CCDC102B: variants seen among roughly 807,000 people sequenced by gnomAD.
The protein encoded by CCDC102B is coiled-coil domain-containing protein 102B.
CCDC102B carries 75 observed loss-of-function variants against 57.4 expected under a neutral mutation model. That is an observed-to-expected ratio of 1.31 (90% CI 1.08 to 1.58). The LOEUF is 1.58. CCDC102B is among the 40% of genes most tolerant of loss of function. The pLI is 0.00. For synonymous variants in CCDC102B, 206 were observed against 201.9 expected (o/e 1.02, Z -0.17); for missense variants, 636 against 582.6 (o/e 1.09, Z -0.94).
At chr18:68,871,186 A>G (rs2039225962) in intron 4 of CCDC102B, among the ~76,000 whole-genome samples, 1 of 152,188 alleles carries the variant, frequency 6.6e-6, no homozygotes, top group South Asian at 2.1e-4. Context: ...AAACACAGGA[A>G]AAAAAGAAGG....
chr18:68,748,213 TG>T (rs1568230302), intron 2 of CCDC102B, among the ~76,000 whole-genome samples: 27 of 46,924 alleles, frequency 5.8e-4, no homozygotes, highest in East Asian at 4.9e-3. Flanking sequence ...CTGGTGTGTG[TG>T]TGTGTGTGTG....
chr18:68,901,781 G>A (rs1036092119), intron 6 of CCDC102B, among the ~76,000 whole-genome samples: 6 of 151,968 alleles, frequency 3.9e-5, no homozygotes, highest in African/African-American at 1.5e-4. Flanking sequence ...CTCATGGGGG[G>A]ATGTGGCCAC....
At chr18:68,940,767 G>C (rs987743214) in intron 6 of CCDC102B, among the ~76,000 whole-genome samples, 1 of 151,838 alleles carries the variant, frequency 6.6e-6, no homozygotes, top group Admixed American at 6.6e-5. Context: ...TTAAAAACTA[G>C]AGGTCTAGAA....
rs1356202191 is a variant in CCDC102B at position 68,828,287 on chromosome 18, TC to T, written c.-15-8461del. 3.2e-5 allele frequency among the ~76,000 whole-genome samples: 4 copies of T among 126,220 alleles called. No homozygotes were observed. In the East Asian group the frequency reaches 6.7e-4, roughly 21 times the overall value. The allele number at this position is 126,220 out of a possible 152,430, so 82.8% of individuals were successfully genotyped here. A position where few individuals can be genotyped will look rare whatever the true frequency, so the allele number is the denominator to read the frequency against. On this transcript the variant is annotated intron_variant, in intron 1 of 7. Transcript: ENST00000360242. ...TGCAGAATATACATATTTTCAAGTG[TC>T]ATGTAACATTCACCAAGGTACATAC...
chr18:68,801,629 A>G (rs1385240135), intron 1 of CCDC102B, among the ~76,000 whole-genome samples: 2 of 152,112 alleles, frequency 1.3e-5, no homozygotes, highest in African/African-American at 2.4e-5. Context: ...GTCTGTTTCA[A>G]ATTTGTAGAA....
chr18:68,804,451 G>A (rs1432950409), intron 1 of CCDC102B, among the ~76,000 whole-genome samples: 1 of 152,132 alleles, frequency 6.6e-6, no homozygotes, highest in Non-Finnish European at 1.5e-5. Flanking sequence ...TAATGAATTT[G>A]AAGTCAAAGG....
intron 5 of CCDC102B, among the ~76,000 whole-genome samples, chr18:68,888,640 G>A (rs534729381): frequency 6.6e-6 from 1 of 152,262 alleles, no homozygotes; most frequent in African/African-American, 2.4e-5. Flanking sequence ...CATCAGGGTT[G>A]AGAACCACTG....
chr18:68,899,099 A>G (rs1353622500), intron 6 of CCDC102B, among the ~76,000 whole-genome samples: 1 of 94,476 alleles, frequency 1.1e-5, no homozygotes, highest in Non-Finnish European at 2.1e-5. Context: ...TTAAGTATAT[A>G]TCATTTTGAT....
At chr18:68,951,489 A>C (rs1445166989) in intron 6 of CCDC102B, among the ~76,000 whole-genome samples, 2 of 152,146 alleles carry the variant, frequency 1.3e-5, no homozygotes, top group African/African-American at 2.4e-5. Flanking sequence ...TAAAACATTT[A>C]ATGTTTTCCC....
intron 7 of CCDC102B, among the ~76,000 whole-genome samples, chr18:69,026,362 G>A (rs1412903925): frequency 2.0e-5 from 3 of 151,740 alleles, no homozygotes; most frequent in Non-Finnish European, 4.4e-5. Context: ...AGCTACTCAG[G>A]AGGCTGAGGC....
rs376095297 is a variant in CCDC102B at position 68,943,074 on chromosome 18, A to G, written c.1263+45646A>G. On this transcript the variant is annotated intron_variant, in intron 6 of 7. Coordinates refer to ENST00000360242, the MANE Select transcript of CCDC102B (RefSeq NM_024781.3). ...TAAATCCATTAAGCCTTGAGTCCAC[A>G]CAGCACATGTTTTTGCGAGCACAGG... 2.0e-5 allele frequency among the ~76,000 whole-genome samples: 2 copies of G among 101,958 alleles called. 1 individual carries two copies. Among genetic ancestry groups the G allele is most frequent in the South Asian group, 6.0e-4 (2 of 3,328 alleles). The allele number at this position is 101,958 out of a possible 152,430, so 66.9% of individuals were successfully genotyped here. A position where few individuals can be genotyped will look rare whatever the true frequency, so the allele number is the denominator to read the frequency against.
intron 6 of CCDC102B, among the ~76,000 whole-genome samples, chr18:68,920,663 G>A (rs1242722292): frequency 6.6e-6 from 1 of 152,116 alleles, no homozygotes; most frequent in East Asian, 1.9e-4. Context: ...TGCTGGGGAG[G>A]CCTCAGGAAA....
At chr18:68,993,193 G>A (rs1297747001) in intron 6 of CCDC102B, 1 of 154,560 alleles carries the variant, frequency 6.5e-6, no homozygotes, top group East Asian at 1.9e-4. Flanking sequence ...TTTAGATAGG[G>A]GTTTGACTGC....
chr18:69,038,330 T>C (rs768831546), intron 7 of CCDC102B, among the ~76,000 whole-genome samples: 2 of 108,778 alleles, frequency 1.8e-5, no homozygotes, highest in Non-Finnish European at 4.2e-5. Context: ...ATGATCATAA[T>C]GGAGTACATT....
At chr18:68,774,228 A>G (rs1250872883) in intron 2 of CCDC102B, among the ~76,000 whole-genome samples, 1 of 151,864 alleles carries the variant, frequency 6.6e-6, no homozygotes, top group Non-Finnish European at 1.5e-5. Context: ...ATTTGTCACT[A>G]TTCCTAACTT....
intron 6 of CCDC102B, among the ~76,000 whole-genome samples, chr18:68,899,120 GT>G (rs2040347522): frequency 6.5e-3 from 1 of 154 alleles, no homozygotes; most frequent in Admixed American, 0.042. Context: ...GGTGAGGGTG[GT>G]GGTTGGTGAT....
At chr18:68,837,504 G>A in intron 2 of CCDC102B, 135 bp downstream of exon 2, 1 of 819,942 alleles carries the variant, frequency 1.2e-6, no homozygotes, top group Non-Finnish European at 1.9e-6. Flanking sequence ...CATAATCACA[G>A]TGGTTTAAGC....
At position 68,999,443 on chromosome 18, in the gene CCDC102B, T is replaced by TAA. The variant is rs529270353; in HGVS notation, c.1264-11475_1264-11474dup. ...GAAACCCAGTCTCTACTGAAAATAG[T>TAA]AAAAAAAAAAAAAAAAACCCAGTAT... On this transcript the variant is annotated intron_variant, in intron 6 of 7. Coordinates refer to ENST00000360242, the MANE Select transcript of CCDC102B (RefSeq NM_024781.3). Among the ~76,000 whole-genome samples, 713 of 119,072 alleles carry TAA rather than the reference T, an allele frequency of 6.0e-3. 4 individuals carry two copies. Among genetic ancestry groups the TAA allele is most frequent in the African/African-American group, 0.02 (661 of 32,956 alleles). 78.1% of individuals were successfully genotyped at this position (119,072 alleles called of 152,430 possible). A position where few individuals can be genotyped will look rare whatever the true frequency, so the allele number is the denominator to read the frequency against.
chr18:68,924,968 G>A (rs957061080), intron 6 of CCDC102B, among the ~76,000 whole-genome samples: 2 of 151,972 alleles, frequency 1.3e-5, no homozygotes, highest in Non-Finnish European at 2.9e-5. Context: ...CTAAGTATCT[G>A]CATCTCTCAC....
Sources: gnomAD v4.1 joint callset for allele counts (sites outside exome capture counted in the v4.1 genomes callset) on GRCh38, gnomAD v4.1.1 for gene constraint, MANE v1.5 for transcripts, NCBI Gene and HGNC (gene_info 2026-07-23, HGNC 2026-07-21) for gene names.